The following AGO3 variants were observed in gnomAD, a reference collection of about 807,000 sequenced individuals.
AGO3 encodes the protein argonaute RISC catalytic component 3.
AGO3 carries 16 observed loss-of-function variants against 105.5 expected under a neutral mutation model. The ratio of observed to expected loss-of-function variants is 0.15; its 90% CI spans 0.10 to 0.23. The LOEUF (loss-of-function observed/expected upper bound fraction) is 0.23, where lower values mean the gene tolerates loss of function less well. AGO3 is among the 10% of genes least tolerant of loss of function. The pLI is 1.00. For synonymous variants in AGO3, 340 were observed against 367.3 expected, an observed-to-expected ratio of 0.93 and a Z score of 0.85; for missense variants, 534 against 1,088.0, an observed-to-expected ratio of 0.49 and a Z score of 7.16.
intron 12 of AGO3, among the ~76,000 whole-genome samples, chr1:36,028,402 C>CA (rs1491433641): frequency 5.1e-4 from 56 of 109,032 alleles, no homozygotes; most frequent in Non-Finnish European, 7.4e-4. Context: ...CCCCCCCCCC[C>CA]ACCCCACAAC....
intron 2 of AGO3, 96 bp downstream of exon 2, chr1:35,945,959 A>G: frequency 1.6e-6 from 2 of 1,283,144 alleles, no homozygotes; most frequent in East Asian, 5.0e-5. Flanking sequence ...TACAATGTGT[A>G]ACAGTTTGAC....
At chr1:36,039,273 A>G (rs891482796) in intron 14 of AGO3, among the ~76,000 whole-genome samples, 3 of 152,086 alleles carry the variant, frequency 2.0e-5, no homozygotes, top group Non-Finnish European at 4.4e-5. Context: ...ACGCAGACGG[A>G]TCACGAGGTC....
At chr1:35,997,301 GA>G (rs1000903826) in intron 5 of AGO3, among the ~76,000 whole-genome samples, 5 of 151,904 alleles carry the variant, frequency 3.3e-5, no homozygotes, top group Non-Finnish European at 5.9e-5. Flanking sequence ...AAGAAAGAAA[GA>G]AAAATAGTTT....
intron 8 of AGO3, 106 bp downstream of exon 8, chr1:36,009,150 A>G: frequency 7.7e-7 from 1 of 1,296,902 alleles, no homozygotes; most frequent in South Asian, 1.8e-5. Flanking sequence ...TGGAATATGA[A>G]CTGTTTTTAA....
At chr1:35,987,329 GAA>G (rs924575045) in intron 5 of AGO3, among the ~76,000 whole-genome samples, 1 of 119,026 alleles carries the variant, frequency 8.4e-6, no homozygotes, top group Non-Finnish European at 1.8e-5. Flanking sequence ...TTCTGTCTCA[GAA>G]AAAAAAAAAA....
chr1:36,015,466 C>T (rs1397310127), intron 11 of AGO3, among the ~76,000 whole-genome samples: 1 of 152,218 alleles, frequency 6.6e-6, no homozygotes, highest in Non-Finnish European at 1.5e-5. Context: ...CCTTCGGCCC[C>T]TTTCGCCTCC....
chr1:36,000,761 G>C (rs1431969174), intron 5 of AGO3, among the ~76,000 whole-genome samples: 1 of 150,770 alleles, frequency 6.6e-6, no homozygotes, highest in African/African-American at 2.4e-5. Flanking sequence ...TTTTTCAGTA[G>C]AAGAATATAA....
chr1:35,945,604 T>C lies in AGO3; in HGVS notation c.20-88T>C. The stretch of plus-strand genomic sequence containing the variant: ...ACTAGGTTTTAGCCATTATCAGCTG[T>C]ACTTATAATTCTAATATACTCTGGT... On this transcript the variant is annotated intron_variant, in intron 1 of 18. Transcript: ENST00000373191. 5.3e-6 allele frequency: 7 copies of C among 1,315,926 alleles called. No homozygotes were observed. The South Asian group carries it at 9.8e-5, about 18-fold the overall frequency. The allele number at this position is 1,315,926 out of a possible 1,614,324, so 81.5% of individuals were successfully genotyped here. A position where few individuals can be genotyped will look rare whatever the true frequency, so the allele number is the denominator to read the frequency against.
chr1:35,982,648 A>G, intron 5 of AGO3: 1 of 717,604 alleles, frequency 1.4e-6, no homozygotes, highest in Non-Finnish European at 2.6e-6. Flanking sequence ...CAGTGTGGAG[A>G]ATAGATAGAG....
At chr1:35,943,287 C>T (rs1228066665) in intron 1 of AGO3, among the ~76,000 whole-genome samples, 7 of 147,350 alleles carry the variant, frequency 4.8e-5, no homozygotes, top group African/African-American at 7.5e-5. Flanking sequence ...GGATTACAGG[C>T]GTGCCATGCC....
chr1:36,000,806 G>T (rs544855410), intron 5 of AGO3, among the ~76,000 whole-genome samples: 1 of 150,534 alleles, frequency 6.6e-6, no homozygotes, highest in Non-Finnish European at 1.5e-5. Flanking sequence ...ATGGATTTGA[G>T]TAAGATACCC....
chr1:36,052,089 A>T (rs1274323421), intron 17 of AGO3, among the ~76,000 whole-genome samples: 2 of 152,224 alleles, frequency 1.3e-5, no homozygotes, highest in African/African-American at 4.8e-5. Flanking sequence ...GAAAGGAAAC[A>T]GTGTGTCAAG....
chr1:35,995,226 A>G (rs1648201033), intron 5 of AGO3, among the ~76,000 whole-genome samples: 1 of 146,114 alleles, frequency 6.8e-6, no homozygotes. Flanking sequence ...ATATATATAT[A>G]TATATATATA....
chr1:36,040,049 T>G (rs1460704184), intron 15 of AGO3, 65 bp downstream of exon 15: 1 of 1,482,598 alleles, frequency 6.7e-7, no homozygotes, highest in Non-Finnish European at 9.1e-7. Context: ...ATATGGTGTC[T>G]AGTTCTAGAG....
At chr1:35,964,641 T>A (rs1210215470) in intron 2 of AGO3, among the ~76,000 whole-genome samples, 1 of 152,172 alleles carries the variant, frequency 6.6e-6, no homozygotes, top group African/African-American at 2.4e-5. Flanking sequence ...GATATATACC[T>A]AGTAATGGGA....
chr1:35,945,624 T>C, intron 1 of AGO3, 68 bp from the exon 2 acceptor site: 1 of 1,497,062 alleles, frequency 6.7e-7, no homozygotes, highest in Non-Finnish European at 9.1e-7. Flanking sequence ...TCTAATATAC[T>C]CTGGTTGACA....
chr1:36,055,373 T>C lies in AGO3; in HGVS notation c.2474+228T>C, dbSNP rs1642882196. ...ATTAATTCAAAGGAGAGATTATTGGTAATAAAGTGATACATTCAGACAGAT... is the reference window on the plus strand; with the variant it reads ...ATTAATTCAAAGGAGAGATTATTGGCAATAAAGTGATACATTCAGACAGAT... On this transcript the variant is annotated intron_variant, in intron 18 of 18. Transcript: ENST00000373191. This position sits in a 1 kb window ranked among gnomAD's most constrained non-coding sequence, Gnocchi z 4.4. The C allele has an allele frequency of 4.9e-6, 3 of 612,010 alleles. No individual in the cohort carries two copies. Among genetic ancestry groups the C allele is most frequent in the Non-Finnish European group, 8.6e-6 (3 of 349,132 alleles). 37.9% of individuals were successfully genotyped at this position (612,010 alleles called of 1,614,324 possible).
chr1:35,997,438 T>C (rs1639880768), intron 5 of AGO3, among the ~76,000 whole-genome samples: 1 of 152,180 alleles, frequency 6.6e-6, no homozygotes. Context: ...TACAATATTC[T>C]CTCAAAATGT....
intron 5 of AGO3, among the ~76,000 whole-genome samples, chr1:35,985,798 C>T (rs1647161509): frequency 6.6e-6 from 1 of 151,918 alleles, no homozygotes; most frequent in South Asian, 2.1e-4. Flanking sequence ...ACTTGTGTAT[C>T]GCAAAAGAAA....
Sources: gnomAD v4.1 joint callset for allele counts (sites outside exome capture counted in the v4.1 genomes callset) on GRCh38, gnomAD v4.1.1 for gene constraint, Gnocchi (gnomAD v3.1) non-coding constraint, MANE v1.5 for transcripts, NCBI Gene and HGNC (gene_info 2026-07-23, HGNC 2026-07-21) for gene names.